The following RYR1 variants were observed in gnomAD, a reference collection of about 807,000 sequenced individuals.
RYR1 encodes ryanodine receptor 1.
A neutral mutation model predicts 583.5 loss-of-function variants in RYR1; 342 were observed. That is an observed-to-expected ratio of 0.59 (90% CI 0.54 to 0.64). The LOEUF is 0.64. Ranked by LOEUF, RYR1 falls within the 30% of genes least tolerant of loss-of-function variation. The pLI, the probability that RYR1 is intolerant of heterozygous loss-of-function variation, is 0.00. For missense variants in RYR1, 6,032 were observed against 6,917.2 expected, an observed-to-expected ratio of 0.87 and a Z score of 4.54; for synonymous variants, 2,791 against 2,822.5, an observed-to-expected ratio of 0.99 and a Z score of 0.35.
At position 38,508,898 on chromosome 19, in the gene RYR1, G is replaced by A. The variant is rs563381447; in HGVS notation, c.8932+1071G>A. Among the ~76,000 whole-genome samples, 4 of 152,246 alleles carry A rather than the reference G, an allele frequency of 2.6e-5. No homozygotes were observed. The East Asian group carries it at 7.7e-4, about 29-fold the overall frequency. ...TTCACAGGGTCCCTCTGGCTTGACTGGGGTGGGGACAGGAGCCGAAAAGGG... is the reference window on the plus strand; with the variant it reads ...TTCACAGGGTCCCTCTGGCTTGACTAGGGTGGGGACAGGAGCCGAAAAGGG... On this transcript the variant is annotated intron_variant, in intron 58 of 105. Transcript: ENST00000359596.
chr19:38,485,659 C>A lies in RYR1; in HGVS notation c.5004C>A (p.Leu1668=). 6.2e-7 allele frequency: 1 copy of A among 1,610,818 alleles called. No individual in the cohort carries two copies. The change falls in exon 34 of 106, where the codon CTC becomes CTA. Residue 1668 remains leucine, a synonymous_variant. Transcript: ENST00000359596. The part of the protein sequence containing the change: ...LQRFHSHTLR[L]YRAVCALGNN... ...GCTTCCACTCGCACACCCTGCGCCT[C>A]TACCGCGCTGTGTGCGCCCTGGGCA... is the stretch of plus-strand genomic sequence containing the variant.
In RYR1 at chr19:38,548,294, C is replaced by A; in HGVS notation, c.12156C>A (p.Ser4052=). The A allele has an allele frequency of 6.2e-7, 1 of 1,614,220 alleles. No homozygotes were observed. The highest frequency in any genetic ancestry group is 8.5e-7 in the Non-Finnish European group (1 of 1,180,040). The change falls in exon 89 of 106, where the codon TCC becomes TCA. Residue 4052 remains serine, a synonymous_variant. Coordinates refer to ENST00000359596, the MANE Select transcript of RYR1 (RefSeq NM_000540.3). ...TGGACATGCTCGTGGAATCCTCATC[C>A]AATGTGGAGATGATCCTCAAGTTCT... The part of the protein sequence containing the change: ...QMVDMLVESS[S]NVEMILKFFD...
chr19:38,539,074 T>C (rs1972092727), intron 84 of RYR1, among the ~76,000 whole-genome samples: 1 of 152,188 alleles, frequency 6.6e-6, no homozygotes, highest in Non-Finnish European at 1.5e-5. Flanking sequence ...TGGTTAGTGC[T>C]CTTTAAGGTA....
chr19:38,505,572 G>A (rs935507680), intron 53 of RYR1, among the ~76,000 whole-genome samples, 174 bp downstream of exon 53: 3 of 152,198 alleles, frequency 2.0e-5, no homozygotes, highest in East Asian at 1.9e-4. Context: ...TAGAGACTCC[G>A]AGAGAGTGGG....
chr19:38,435,472 C>G (rs1244896127), intron 1 of RYR1, among the ~76,000 whole-genome samples: 1 of 152,200 alleles, frequency 6.6e-6, no homozygotes, highest in South Asian at 2.1e-4. Flanking sequence ...TGGCTCATGC[C>G]TGTAATCTCA....
Position 38,561,505 on chromosome 19 carries a change from C to T in RYR1, c.12624+51C>T, listed in dbSNP as rs1264908319. The T allele has an allele frequency of 4.6e-6, 7 of 1,537,426 alleles. No individual in the cohort carries two copies. The Middle Eastern group carries it at 6.2e-4, about 136-fold the overall frequency. On this transcript the variant is annotated intron_variant, in intron 90 of 105. Coordinates refer to ENST00000359596, the MANE Select transcript of RYR1 (RefSeq NM_000540.3). The surrounding 1 kb of genome is among the most constrained non-coding windows in gnomAD (Gnocchi z 4.8). ...CTCGCCTCCTGGGGCTTCGGGCATG[C>T]GGGTGCTCACTTCCTGCACCCTCAG... is the stretch of plus-strand genomic sequence containing the variant.
At chr19:38,521,692 G>C (rs1286510821) in intron 67 of RYR1, among the ~76,000 whole-genome samples, 1 of 150,448 alleles carries the variant, frequency 6.6e-6, no homozygotes, top group African/African-American at 2.4e-5. Context: ...GCGAGACCCT[G>C]TCTCAAAAAA....
At chr19:38,536,610 C>T in intron 82 of RYR1, 140 bp from the exon 83 acceptor site, 1 of 965,332 alleles carries the variant, frequency 1.0e-6, no homozygotes, top group Non-Finnish European at 1.6e-6. Context: ...CTGCCTTTCT[C>T]TCTGTGGGTT....
chr19:38,498,740 A>G (rs558945131), intron 42 of RYR1, among the ~76,000 whole-genome samples: 1 of 152,312 alleles, frequency 6.6e-6, no homozygotes, highest in South Asian at 2.1e-4. Context: ...GGAGTGCAGC[A>G]GTGAGGATGA....
At position 38,499,600 on chromosome 19, in the gene RYR1, C is replaced by T; in HGVS notation, c.7028-35C>T. 6.3e-7 allele frequency: 1 copy of T among 1,595,042 alleles called. No homozygotes were observed. The highest frequency in any genetic ancestry group is 8.5e-7 in the Non-Finnish European group (1 of 1,178,626). Reference sequence around the variant, plus strand: ...TGCATGGGGAGGTCTCTGATGGTGGCTCATGAGACCCCCTTTCCCCATGCG... The same window carrying T: ...TGCATGGGGAGGTCTCTGATGGTGGTTCATGAGACCCCCTTTCCCCATGCG... On this transcript the variant is annotated intron_variant, in intron 43 of 105. Transcript: ENST00000359596. This position sits in a 1 kb window ranked among gnomAD's most constrained non-coding sequence, Gnocchi z 7.3.
chr19:38,508,999 C>T (rs1970604827), intron 58 of RYR1, among the ~76,000 whole-genome samples: 1 of 152,084 alleles, frequency 6.6e-6, no homozygotes, highest in Non-Finnish European at 1.5e-5. Flanking sequence ...TCTTACAGGC[C>T]ACTAAGAATT....
Position 38,483,483 on chromosome 19 carries a change from C to T in RYR1, c.4901C>T (p.Thr1634Ile). Residue 1634 changes from threonine (T) to isoleucine (I), a missense_variant, in exon 33 of 106, where the codon ACC becomes ATC. By Grantham distance (89) the Thr-to-Ile change is moderately conservative. Transcript: ENST00000359596. This position sits in a 1 kb window ranked among gnomAD's most constrained non-coding sequence, Gnocchi z 6.3. ...GCCGTGCAGTGCCAGGAGCCGCTGACCATGATGGCGCTGCACATCCCCGAG... is the reference window on the plus strand; with the variant it reads ...GCCGTGCAGTGCCAGGAGCCGCTGATCATGATGGCGCTGCACATCCCCGAG... ...GWAVQCQEPL[T>I]MMALHIPEEN... The T allele has an allele frequency of 1.3e-6, 2 of 1,559,180 alleles. No individual in the cohort carries two copies. Among genetic ancestry groups the T allele is most frequent in the Non-Finnish European group, 1.7e-6 (2 of 1,155,844 alleles).
At chr19:38,580,762 A>G (rs956564485) in intron 101 of RYR1, among the ~76,000 whole-genome samples, 1 of 152,192 alleles carries the variant, frequency 6.6e-6, no homozygotes, top group Non-Finnish European at 1.5e-5. Flanking sequence ...CAAGAGGATC[A>G]CTTGGTCCCA....
At chr19:38,485,567 T>C in intron 33 of RYR1, 23 bp from the exon 34 acceptor site, 1 of 1,606,454 alleles carries the variant, frequency 6.2e-7, no homozygotes, top group Non-Finnish European at 8.5e-7. Flanking sequence ...TCTGTCCCTG[T>C]CTGTTTCCCA....
intron 90 of RYR1, 45 bp from the exon 91 acceptor site, chr19:38,564,914 C>T (rs898635055): frequency 1.9e-6 from 3 of 1,545,880 alleles, no homozygotes; most frequent in African/African-American, 1.4e-5. Context: ...GCTGTCCGAG[C>T]CCCCGCTGAC....
chr19:38,475,483 C>T, intron 29 of RYR1, 33 bp downstream of exon 29: 4 of 1,612,042 alleles, frequency 2.5e-6, no homozygotes, highest in Non-Finnish European at 3.4e-6. Context: ...TTTGGGGTCC[C>T]CCCGCATAGC....
intron 42 of RYR1, 121 bp downstream of exon 42, chr19:38,497,075 C>T (rs1173458887): frequency 5.1e-6 from 4 of 791,310 alleles, no homozygotes; most frequent in Non-Finnish European, 2.2e-6. Flanking sequence ...GTCCAGTGCC[C>T]AACCAGAAGG....
chr19:38,543,056 G>T lies in RYR1; in HGVS notation c.11690-291G>T, dbSNP rs1972268070. 6.6e-6 allele frequency among the ~76,000 whole-genome samples: 1 copy of T among 151,834 alleles called. No individual in the cohort carries two copies. Among genetic ancestry groups the T allele is most frequent in the Admixed American group, 6.6e-5 (1 of 15,196 alleles). ...GGGGTTTCACCATGTTGGTCAGGCT[G>T]GTCTCAAACTCCTGACCTCAGGTGA... is the stretch of plus-strand genomic sequence containing the variant. On this transcript the variant is annotated intron_variant, in intron 84 of 105. Transcript: ENST00000359596. This position sits in a 1 kb window ranked among gnomAD's most constrained non-coding sequence, Gnocchi z 4.4.
chr19:38,434,017 C>G (rs918718617), intron 1 of RYR1, 143 bp downstream of exon 1: 2 of 800,616 alleles, frequency 2.5e-6, no homozygotes, highest in Non-Finnish European at 4.5e-6. Flanking sequence ...GTGACTGTCA[C>G]TCTGTCTTTT....
Sources: allele counts gnomAD v4.1 joint callset (sites outside exome capture counted in the v4.1 genomes callset), GRCh38; gene constraint gnomAD v4.1.1; non-coding constraint Gnocchi (gnomAD v3.1); transcripts MANE v1.5; gene names NCBI Gene and HGNC (gene_info 2026-07-23, HGNC 2026-07-21).